The following PIK3C3 variants were observed in gnomAD, a reference collection of about 807,000 sequenced individuals.
PIK3C3 encodes phosphatidylinositol 3-kinase catalytic subunit type 3, also known as PI3-kinase type 3.
PIK3C3 carries 95 observed loss-of-function variants against 126.1 expected under a neutral mutation model. The ratio of observed to expected loss-of-function variants is 0.75; its 90% CI spans 0.64 to 0.89. PIK3C3 has a LOEUF of 0.89. PIK3C3 is among the 40% of genes least tolerant of loss of function. PIK3C3 has a pLI of 0.00. For synonymous variants in PIK3C3, 374 were observed against 360.0 expected (o/e 1.04, Z -0.44); for missense variants, 829 against 1,063.2 (o/e 0.78, Z 3.06).
chr18:42,076,133 TATATATATATGCGC>T (rs1467260238), intron 24 of PIK3C3, among the ~76,000 whole-genome samples: 6 of 91,796 alleles, frequency 6.5e-5, no homozygotes, highest in South Asian at 2.9e-4. Context: ...CGCATATATA[TATATATATATGCGC>T]ATATATATAT....
At chr18:42,064,135 A>G (rs750357384) in intron 22 of PIK3C3, among the ~76,000 whole-genome samples, 9 of 152,328 alleles carry the variant, frequency 5.9e-5, no homozygotes, top group Non-Finnish European at 1.0e-4. Context: ...GGAGGCCAGC[A>G]TACTCTGAAG....
chr18:42,022,991 A>C (rs1983394615), intron 13 of PIK3C3, among the ~76,000 whole-genome samples: 1 of 152,192 alleles, frequency 6.6e-6, no homozygotes, highest in African/African-American at 2.4e-5. Context: ...AAGGAAGTAA[A>C]GAGAAAAAAT....
intron 4 of PIK3C3, among the ~76,000 whole-genome samples, chr18:41,982,404 G>A (rs923560177): frequency 6.6e-6 from 1 of 151,946 alleles, no homozygotes; most frequent in African/African-American, 2.4e-5. Context: ...AAGTGAGAGA[G>A]CAATCAAGTT....
In PIK3C3 at chr18:42,064,811, C is replaced by T; in HGVS notation, c.2504C>T (p.Pro835Leu). 6.3e-7 allele frequency: 1 copy of T among 1,586,370 alleles called. No homozygotes were observed. ...AACATTCCAGATATTGCACTTGAAC[C>T]AGATAAAACTGTGAAAAAGGTAATT... ...DANIPDIALE[P>L]DKTVKKVQDK... is the part of the protein sequence containing the mutation. Residue 835 changes from proline to leucine, a missense_variant, in exon 23 of 25, where the codon CCA becomes CTA. Around this residue, in one of 4 missense-constraint regions of PIK3C3, gnomAD observed 196 missense variants for 312.8 expected, o/e 0.63. Transcript: ENST00000262039.
At position 42,084,418 on chromosome 18, in the gene PIK3C3, T is replaced by C. The variant is rs1056709947; in HGVS notation, c.*3281T>C. On this transcript the variant is annotated 3_prime_UTR_variant, in exon 25 of 25. Coordinates refer to ENST00000262039, the MANE Select transcript of PIK3C3 (RefSeq NM_002647.4). ...GAACAATGTGAACTTTCTATAATTATATACAGAAAATATACTGATTTGCCA... is the reference window on the plus strand; with the variant it reads ...GAACAATGTGAACTTTCTATAATTACATACAGAAAATATACTGATTTGCCA... 6.6e-6 allele frequency: 1 copy of C among 152,124 alleles called. No homozygotes were observed. The highest frequency in any genetic ancestry group is 2.4e-5 in the African/African-American group (1 of 41,424). 9.4% of individuals were successfully genotyped at this position (152,124 alleles called of 1,614,324 possible).
chr18:42,023,366 C>G (rs1043162019), intron 13 of PIK3C3, among the ~76,000 whole-genome samples: 4 of 152,224 alleles, frequency 2.6e-5, no homozygotes, highest in Non-Finnish European at 4.4e-5. Context: ...GAAATCTGTT[C>G]GATGAAGTTT....
intron 13 of PIK3C3, chr18:42,026,547 C>G (rs1284916556): frequency 1.3e-5 from 2 of 152,066 alleles, no homozygotes; most frequent in Non-Finnish European, 2.9e-5. Flanking sequence ...GCAGCTTCAC[C>G]TGGGCTCAAG....
At chr18:41,960,678 T>G (rs191120953) in intron 2 of PIK3C3, among the ~76,000 whole-genome samples, 18 of 152,302 alleles carry the variant, frequency 1.2e-4, no homozygotes, top group Middle Eastern at 3.4e-3. Context: ...TCTGACTAGA[T>G]TTTTCTATAA....
chr18:42,055,408 G>A (rs940195325), intron 21 of PIK3C3, among the ~76,000 whole-genome samples: 5 of 152,104 alleles, frequency 3.3e-5, no homozygotes, highest in Non-Finnish European at 7.4e-5. Flanking sequence ...AACAGAGAGT[G>A]GGAGTATAAA....
At chr18:41,961,471 C>T (rs1219669134) in intron 2 of PIK3C3, among the ~76,000 whole-genome samples, 1 of 152,152 alleles carries the variant, frequency 6.6e-6, no homozygotes, top group Non-Finnish European at 1.5e-5. Context: ...GATTTAATAA[C>T]TCCTTTTTCT....
intron 24 of PIK3C3, among the ~76,000 whole-genome samples, chr18:42,069,336 AT>A (rs1985679571): frequency 6.6e-6 from 1 of 152,218 alleles, no homozygotes; most frequent in African/African-American, 2.4e-5. Flanking sequence ...AGAACAGAAT[AT>A]TTTAGAGGTA....
chr18:42,038,354 T>G (rs1370909280), intron 17 of PIK3C3, among the ~76,000 whole-genome samples: 1 of 152,136 alleles, frequency 6.6e-6, no homozygotes, highest in Non-Finnish European at 1.5e-5. Context: ...TAACTATTTT[T>G]TTTTTTGAGA....
At chr18:42,025,105 C>T (rs1983505929) in intron 13 of PIK3C3, among the ~76,000 whole-genome samples, 1 of 152,164 alleles carries the variant, frequency 6.6e-6, no homozygotes, top group African/African-American at 2.4e-5. Flanking sequence ...AGCCACCACG[C>T]CCGGCCAACA....
In PIK3C3 at chr18:42,077,407, A is replaced by G. The variant is rs188718889; in HGVS notation, c.2650-3716A>G. On this transcript the variant is annotated intron_variant, in intron 24 of 24. Transcript: ENST00000262039. The stretch of plus-strand genomic sequence containing the variant: ...AGAACTTTTTGCAGAATTGGAGTCA[A>G]CCCTTTCAAAACTTGCTGTTGCTTT... Among the ~76,000 whole-genome samples, 181 of 152,056 alleles carry G rather than the reference A, an allele frequency of 1.2e-3. No individual in the cohort carries two copies. In the South Asian group the frequency reaches 0.014, roughly 12 times the overall value.
chr18:42,045,627 A>G (rs191438384), intron 20 of PIK3C3, among the ~76,000 whole-genome samples: 142 of 152,326 alleles, frequency 9.3e-4, no homozygotes, highest in African/African-American at 3.3e-3. Flanking sequence ...GGAAGCTGGT[A>G]CTATATCAGC....
chr18:41,955,646 A>T (rs968837691), intron 1 of PIK3C3, among the ~76,000 whole-genome samples: 1 of 152,194 alleles, frequency 6.6e-6, no homozygotes, highest in Non-Finnish European at 1.5e-5. Context: ...CAGCCTTTTG[A>T]GAGTTTATTA....
At chr18:42,015,324 G>A (rs1179940971) in intron 11 of PIK3C3, 152 bp from the exon 12 acceptor site, 4 of 602,922 alleles carry the variant, frequency 6.6e-6, no homozygotes, top group Non-Finnish European at 1.2e-5. Context: ...TTTTTCCAGA[G>A]TACAATGTGA....
In PIK3C3 at chr18:42,085,555, A is replaced by G. The variant is rs1473595049; in HGVS notation, c.*4418A>G. The stretch of plus-strand genomic sequence containing the variant: ...TGTCAAAATAGAACATAAGAAAATG[A>G]GTCTAGTGGACCCACTGCATAGTGT... On this transcript the variant is annotated 3_prime_UTR_variant, in exon 25 of 25. Transcript: ENST00000262039. The G allele has an allele frequency of 6.6e-6, 1 of 152,214 alleles. No homozygotes were observed. The highest frequency in any genetic ancestry group is 1.5e-5 in the Non-Finnish European group (1 of 68,044). 9.4% of individuals were successfully genotyped at this position (152,214 alleles called of 1,614,324 possible).
intron 10 of PIK3C3, among the ~76,000 whole-genome samples, chr18:42,006,814 G>T (rs34243724): frequency 1.3e-5 from 2 of 150,908 alleles, no homozygotes; most frequent in Non-Finnish European, 3.0e-5. Flanking sequence ...TTTTAGTGAA[G>T]AGGTGTGTGG....
Sources: allele counts gnomAD v4.1 joint callset (sites outside exome capture counted in the v4.1 genomes callset), GRCh38; gene constraint gnomAD v4.1.1; regional missense constraint gnomAD v4.1.1; transcripts MANE v1.5; gene names NCBI Gene and HGNC (gene_info 2026-07-23, HGNC 2026-07-21).